GNA14: variants seen among roughly 807,000 people sequenced by gnomAD.
The protein encoded by GNA14 is G protein subunit alpha 14.
In GNA14, 50 loss-of-function variants were observed where a neutral mutation model predicts 42.0. The ratio of observed to expected loss-of-function variants is 1.19; its 90% CI spans 0.95 to 1.51. GNA14 has a LOEUF of 1.51. Ranked by LOEUF, GNA14 falls within the 40% of genes most tolerant of loss-of-function variation. The probability of loss-of-function intolerance (pLI) is 0.00; values close to 1 mark genes in which losing one functional copy is unlikely to be tolerated. For missense variants in GNA14, 473 were observed against 446.2 expected (o/e 1.06, Z -0.54); for synonymous variants, 173 against 163.1 (o/e 1.06, Z -0.46).
At chr9:77,459,393 T>C (rs1014278076) in intron 2 of GNA14, among the ~76,000 whole-genome samples, 5 of 152,156 alleles carry the variant, frequency 3.3e-5, no homozygotes, top group African/African-American at 1.2e-4. Flanking sequence ...CAAAGTCTTC[T>C]CCAGTGCCCT....
intron 2 of GNA14, among the ~76,000 whole-genome samples, chr9:77,481,194 A>C (rs148063701): frequency 0.015 from 2,227 of 152,208 alleles, 55 homozygotes; most frequent in African/African-American, 0.05. Flanking sequence ...TTAGTGCTAT[A>C]AATTTCCCTC....
rs568020165 is a variant in GNA14, at chr9:77,526,799, A to G, written c.309+2270T>C. ...GTACTTTGTTATAACAGCCCTAGGA[A>G]ACTAACACAGATTAGGGGGCAAACG... is the stretch of plus-strand genomic sequence containing the variant. On this transcript the variant is annotated intron_variant, in intron 2 of 6. Transcript: ENST00000341700. The G allele has an allele frequency of 5.3e-5, 8 of 152,344 alleles. No individual in the cohort carries two copies. In the East Asian group the frequency reaches 1.5e-3, roughly 29 times the overall value. 9.4% of individuals were successfully genotyped at this position (152,344 alleles called of 1,614,324 possible).
intron 1 of GNA14, among the ~76,000 whole-genome samples, chr9:77,565,885 G>A (rs1017499524): frequency 2.6e-5 from 4 of 152,120 alleles, no homozygotes; most frequent in African/African-American, 9.7e-5. Flanking sequence ...TCTGAAATCA[G>A]AAGAAAAAAA....
intron 1 of GNA14, among the ~76,000 whole-genome samples, chr9:77,620,431 A>G (rs1823901426): frequency 6.6e-6 from 1 of 152,270 alleles, no homozygotes; most frequent in Admixed American, 6.5e-5. Flanking sequence ...TGCAGCAAGT[A>G]TAATAAGGAA....
chr9:77,477,336 G>C (rs1236374660), intron 2 of GNA14, among the ~76,000 whole-genome samples: 1 of 152,114 alleles, frequency 6.6e-6, no homozygotes, highest in African/African-American at 2.4e-5. Context: ...GACACAGCAA[G>C]ATCATGTCTC....
intron 2 of GNA14, among the ~76,000 whole-genome samples, chr9:77,493,529 A>G (rs766672116): frequency 8.5e-5 from 13 of 152,218 alleles, no homozygotes; most frequent in Non-Finnish European, 1.6e-4. Flanking sequence ...ATATGAGTTT[A>G]TGAACAGGAC....
At chr9:77,566,812 T>C (rs1822975313) in intron 1 of GNA14, among the ~76,000 whole-genome samples, 1 of 145,496 alleles carries the variant, frequency 6.9e-6, no homozygotes, top group Non-Finnish European at 1.5e-5. Flanking sequence ...GTCCTGGAAT[T>C]GTTAATTTAT....
At chr9:77,431,653 T>A in intron 3 of GNA14, 1 of 477,034 alleles carries the variant, frequency 2.1e-6, no homozygotes, top group East Asian at 3.0e-5. Flanking sequence ...TCAGAAGGAC[T>A]TCCATGCGCC....
chr9:77,524,236 T>C (rs558053978), intron 2 of GNA14, among the ~76,000 whole-genome samples: 2 of 152,236 alleles, frequency 1.3e-5, no homozygotes, highest in African/African-American at 4.8e-5. Flanking sequence ...TGTATCTTAA[T>C]TGAAAAAACA....
chr9:77,534,326 C>T (rs1400634092), intron 1 of GNA14, among the ~76,000 whole-genome samples: 1 of 152,186 alleles, frequency 6.6e-6, no homozygotes, highest in Admixed American at 6.5e-5. Context: ...CATCCCAATA[C>T]AAAATAACCA....
intron 1 of GNA14, among the ~76,000 whole-genome samples, chr9:77,626,245 T>C (rs1395670097): frequency 6.6e-6 from 1 of 152,174 alleles, no homozygotes; most frequent in Non-Finnish European, 1.5e-5. Context: ...ACAAAGCAAG[T>C]TCTTAGAGAC....
intron 2 of GNA14, among the ~76,000 whole-genome samples, chr9:77,527,719 C>T (rs1837462673): frequency 6.6e-6 from 1 of 152,172 alleles, no homozygotes; most frequent in Admixed American, 6.6e-5. Context: ...CTGCAACCTC[C>T]ACCTCCCAGG....
chr9:77,622,567 G>T (rs1220635106), intron 1 of GNA14, among the ~76,000 whole-genome samples: 1 of 151,376 alleles, frequency 6.6e-6, no homozygotes, highest in Non-Finnish European at 1.5e-5. Flanking sequence ...AGGAGATCGA[G>T]ATCATCCTGG....
chr9:77,556,346 G>T (rs1047918985), intron 1 of GNA14, among the ~76,000 whole-genome samples: 1 of 152,154 alleles, frequency 6.6e-6, no homozygotes, highest in African/African-American at 2.4e-5. Flanking sequence ...TATGGAGGTA[G>T]ATGCTAATGG....
At chr9:77,605,120 AC>A (rs1261368649) in intron 1 of GNA14, among the ~76,000 whole-genome samples, 1 of 152,184 alleles carries the variant, frequency 6.6e-6, no homozygotes, top group Non-Finnish European at 1.5e-5. Flanking sequence ...CTCAACATGA[AC>A]TTTTTCGTTA....
chr9:77,459,740 C>T (rs1215523022), intron 2 of GNA14, among the ~76,000 whole-genome samples: 3 of 152,224 alleles, frequency 2.0e-5, no homozygotes, highest in African/African-American at 7.2e-5. Flanking sequence ...AGCTTCTCAG[C>T]AGCCAAGCCT....
At chr9:77,586,284 T>C (rs758378463) in intron 1 of GNA14, among the ~76,000 whole-genome samples, 14 of 152,138 alleles carry the variant, frequency 9.2e-5, no homozygotes, top group Non-Finnish European at 1.8e-4. Flanking sequence ...ATCCATACTA[T>C]ATAAAGATCT....
chr9:77,482,234 G>A (rs1159692908), intron 2 of GNA14, among the ~76,000 whole-genome samples: 2 of 151,724 alleles, frequency 1.3e-5, no homozygotes, highest in African/African-American at 2.4e-5. Flanking sequence ...AGCTCTTTTA[G>A]GGCAGGCCTG....
At chr9:77,457,006 T>C (rs979264451) in intron 2 of GNA14, among the ~76,000 whole-genome samples, 2 of 152,242 alleles carry the variant, frequency 1.3e-5, no homozygotes, top group Non-Finnish European at 2.9e-5. Flanking sequence ...TAGGATTCAC[T>C]GTGACTCACG....
Sources: allele counts gnomAD v4.1 joint callset (sites outside exome capture counted in the v4.1 genomes callset), GRCh38; gene constraint gnomAD v4.1.1; transcripts MANE v1.5; gene names NCBI Gene and HGNC (gene_info 2026-07-23, HGNC 2026-07-21).